The following PTPRS variants were observed in gnomAD, a reference collection of about 807,000 sequenced individuals.
PTPRS encodes the protein protein tyrosine phosphatase receptor type S.
PTPRS carries 63 observed loss-of-function variants against 215.3 expected under a neutral mutation model. That is an observed-to-expected ratio of 0.29 (90% CI 0.24 to 0.36). PTPRS has a LOEUF of 0.36. Ranked by LOEUF, PTPRS falls within the 10% of genes least tolerant of loss-of-function variation. PTPRS has a pLI of 1.00. For missense variants in PTPRS, 2,258 were observed against 2,825.8 expected (o/e 0.80, Z 4.56); for synonymous variants, 1,404 against 1,191.4 (o/e 1.18, Z -3.68).
In PTPRS at chr19:5,214,486, T is replaced by G; in HGVS notation, c.4495-6A>C. 1 of 1,614,048 alleles carries G rather than the reference T, an allele frequency of 6.2e-7. No homozygotes were observed. Among genetic ancestry groups the G allele is most frequent in the Non-Finnish European group, 8.5e-7 (1 of 1,180,004 alleles). On this transcript the variant is annotated splice_polypyrimidine_tract_variant and splice_region_variant and intron_variant, in intron 29 of 37. Transcript: ENST00000262963. ...CAATACTGATCACACTTGATCTGTA[T>G]CGGGCAAGAGAACAGGTGTCAGCAG...
intron 4 of PTPRS, among the ~76,000 whole-genome samples, chr19:5,268,145 G>C (rs1236144189): frequency 1.3e-5 from 2 of 152,004 alleles, no homozygotes; most frequent in Non-Finnish European, 2.9e-5. Context: ...ACTCCAGCCT[G>C]GGCGACAGAG....
intron 1 of PTPRS, among the ~76,000 whole-genome samples, chr19:5,317,960 A>G (rs1488942267): frequency 6.6e-6 from 1 of 152,216 alleles, no homozygotes; most frequent in East Asian, 1.9e-4. Context: ...CCATGAGGTC[A>G]GGAGATCGAG....
chr19:5,274,357 T>C lies in PTPRS; in HGVS notation c.92-13A>G. The stretch of plus-strand genomic sequence containing the variant: ...AACCTGGGGGGCTCTGGGGATACAG[T>C]GGAAAGAAGGGGGGGCGCTGATGGG... On this transcript the variant is annotated splice_polypyrimidine_tract_variant and intron_variant, in intron 2 of 37. Coordinates refer to ENST00000262963, the MANE Select transcript of PTPRS (RefSeq NM_002850.4). The C allele has an allele frequency of 3.0e-6, 4 of 1,317,514 alleles. No individual in the cohort carries two copies. Among genetic ancestry groups the C allele is most frequent in the Non-Finnish European group, 4.2e-6 (4 of 962,000 alleles). 81.6% of individuals were successfully genotyped at this position (1,317,514 alleles called of 1,614,324 possible).
At chr19:5,305,815 C>T in intron 1 of PTPRS, among the ~76,000 whole-genome samples, 1 of 143,454 alleles carries the variant, frequency 7.0e-6, no homozygotes, top group Non-Finnish European at 1.5e-5. Flanking sequence ...TGGCAGGCAC[C>T]TGTGGTCCCA....
Position 5,212,246 on chromosome 19 carries a change from C to G in PTPRS, c.4774G>C (p.Gly1592Arg). 6.2e-7 allele frequency: 1 copy of G among 1,610,318 alleles called. No homozygotes were observed. The change falls in exon 32 of 38, where the codon GGT becomes CGT. Residue 1592 changes from glycine (G) to arginine (R), a missense_variant. Around this residue, in one of 6 missense-constraint regions of PTPRS, gnomAD observed 927 missense variants for 1,125.9 expected, o/e 0.82. Transcript: ENST00000262963. ...AGPIVVHCSA[G>R]VGRTGCFIVI... ...ATAAAGCAGCCTGTGCGGCCCACAC[C>G]GGCACTGCAGGGACAGCCACGTGGC... is the stretch of plus-strand genomic sequence containing the variant.
In PTPRS at chr19:5,258,049, C is replaced by T. The variant is rs770748688; in HGVS notation, c.674G>A (p.Arg225His). The change falls in exon 8 of 38, where the codon CGC becomes CAC. Residue 225 changes from arginine to histidine, a missense_variant. Around this residue, in one of 6 missense-constraint regions of PTPRS, gnomAD observed 508 missense variants for 799.4 expected, o/e 0.64. Transcript: ENST00000262963. ...ECVATNSAGV[R>H]YSSPANLYVR... is the part of the protein sequence containing the mutation. ...GTAGAGGTTGGCAGGTGAGGAGTAGCGCACGCCGGCGCTGTTGGTGGCCAC... is the reference window on the plus strand; with the variant it reads ...GTAGAGGTTGGCAGGTGAGGAGTAGTGCACGCCGGCGCTGTTGGTGGCCAC... 19 of 1,614,132 alleles carry T rather than the reference C, an allele frequency of 1.2e-5. No individual in the cohort carries two copies. Among genetic ancestry groups the T allele is most frequent in the Non-Finnish European group, 1.4e-5 (16 of 1,180,010 alleles).
Position 5,309,912 on chromosome 19 carries a change from T to C in PTPRS, c.-94-23678A>G, listed in dbSNP as rs141164572. On this transcript the variant is annotated intron_variant, in intron 1 of 37. Coordinates refer to ENST00000262963, the MANE Select transcript of PTPRS (RefSeq NM_002850.4). ...CTTTCTGCAACAGCCAGGGGTCGCC[T>C]GTGAACACGTCGGTCAGGGCTGGTT... Among the ~76,000 whole-genome samples the C allele has an allele frequency of 4.6e-5, 7 of 152,286 alleles. No individual in the cohort carries two copies. The East Asian group carries it at 1.4e-3, about 29-fold the overall frequency.
intron 4 of PTPRS, among the ~76,000 whole-genome samples, chr19:5,267,912 A>G (rs182364238): frequency 2.2e-4 from 34 of 152,032 alleles, no homozygotes; most frequent in East Asian, 7.8e-4. Context: ...GGTCACGCCT[A>G]TAATCCCAGC....
At chr19:5,208,811 C>G (rs1282000472) in intron 35 of PTPRS, among the ~76,000 whole-genome samples, 1 of 152,112 alleles carries the variant, frequency 6.6e-6, no homozygotes, top group Non-Finnish European at 1.5e-5. Context: ...TGACATCCAG[C>G]ACCTCCATCC....
chr19:5,265,434 T>G (rs557633183), intron 4 of PTPRS, among the ~76,000 whole-genome samples: 2 of 152,318 alleles, frequency 1.3e-5, no homozygotes, highest in South Asian at 4.1e-4. Flanking sequence ...CTCAACAACC[T>G]GGGCTCAAGT....
At chr19:5,296,967 T>C (rs1379263525) in intron 1 of PTPRS, among the ~76,000 whole-genome samples, 2 of 152,010 alleles carry the variant, frequency 1.3e-5, no homozygotes, top group Admixed American at 6.5e-5. Context: ...GCAGACCCAA[T>C]AGAATTTTCT....
Position 5,211,622 on chromosome 19 carries a change from G to C in PTPRS, c.5202C>G (p.Asp1734Glu). The change falls in exon 33 of 38, where the codon GAC becomes GAG. Residue 1734 changes from aspartate to glutamate, a missense_variant. Physicochemically the swap from Asp to Glu is conservative, Grantham distance 45 (BLOSUM62 2). This residue lies in a region of PTPRS where 927 missense variants were observed against 1,125.9 expected (regional missense o/e 0.82). Transcript: ENST00000262963. ...CATCAATGAAGCTGGCGTTGATGTA[G>C]TCAGAGCCCTCCACACCCCGGATGG... ...LQPIRGVEGS[D>E]YINASFIDGY... The C allele has an allele frequency of 4.3e-6, 7 of 1,613,440 alleles. No homozygotes were observed. The highest frequency in any genetic ancestry group is 5.9e-6 in the Non-Finnish European group (7 of 1,179,472).
At chr19:5,259,966 C>T (rs552920920) in intron 7 of PTPRS, among the ~76,000 whole-genome samples, 1 of 152,236 alleles carries the variant, frequency 6.6e-6, no homozygotes, top group Admixed American at 6.5e-5. Flanking sequence ...GGTCACACAG[C>T]ATTTGTAGCA....
chr19:5,220,329 T>C lies in PTPRS; in HGVS notation c.3480A>G (p.Pro1160=), dbSNP rs1328280082. The C allele has an allele frequency of 6.2e-7, 1 of 1,613,800 alleles. No individual in the cohort carries two copies. Among genetic ancestry groups the C allele is most frequent in the Non-Finnish European group, 8.5e-7 (1 of 1,179,964 alleles). The part of the protein sequence containing the change: ...PVQSYFIVMV[P]LRKSRGGQFL... ...ATTGGCCTCCACGAGACTTGCGCAGTGGCACCATCACAATGAAATAGCTCC... is the reference window on the plus strand; with the variant it reads ...ATTGGCCTCCACGAGACTTGCGCAGCGGCACCATCACAATGAAATAGCTCC... Residue 1160 remains proline, a synonymous_variant, in exon 21 of 38, where the codon CCA becomes CCG. Coordinates refer to ENST00000262963, the MANE Select transcript of PTPRS (RefSeq NM_002850.4).
In PTPRS at chr19:5,231,083, C is replaced by T. The variant is rs374190215; in HGVS notation, c.2155+227G>A. 3.3e-5 allele frequency among the ~76,000 whole-genome samples: 5 copies of T among 152,284 alleles called. No homozygotes were observed. The East Asian group carries it at 5.8e-4, about 18-fold the overall frequency. On this transcript the variant is annotated intron_variant, in intron 14 of 37. Transcript: ENST00000262963. ...GGCAGCCAGCGAAACTGTCCAGGCACGAGGCTCTGGGAGCAGATGCTGCAG... is the reference window on the plus strand; with the variant it reads ...GGCAGCCAGCGAAACTGTCCAGGCATGAGGCTCTGGGAGCAGATGCTGCAG...
At chr19:5,311,409 A>T (rs1424020788) in intron 1 of PTPRS, among the ~76,000 whole-genome samples, 10 of 152,170 alleles carry the variant, frequency 6.6e-5, no homozygotes, top group African/African-American at 2.4e-4. Context: ...TGTGAGGATC[A>T]GGGCCTGGTA....
intron 1 of PTPRS, among the ~76,000 whole-genome samples, chr19:5,331,524 A>G (rs1475251433): frequency 6.6e-6 from 1 of 152,192 alleles, no homozygotes; most frequent in Non-Finnish European, 1.5e-5. Flanking sequence ...AGAGTTGAGC[A>G]GCATCTCTGG....
chr19:5,222,666 T>C (rs1259419535), intron 18 of PTPRS, 23 bp downstream of exon 18: 1 of 1,532,032 alleles, frequency 6.5e-7, no homozygotes, highest in Admixed American at 1.9e-5. Flanking sequence ...CCGGCTCTGG[T>C]GCAGGGGTCG....
chr19:5,247,383 A>G (rs1194257159), intron 9 of PTPRS, among the ~76,000 whole-genome samples: 1 of 151,976 alleles, frequency 6.6e-6, no homozygotes, highest in Non-Finnish European at 1.5e-5. Flanking sequence ...GTTCCAGGAC[A>G]GGGGGAAGGG....
Sources: gnomAD v4.1 joint callset for allele counts (sites outside exome capture counted in the v4.1 genomes callset) on GRCh38, gnomAD v4.1.1 for gene constraint, gnomAD v4.1.1 regional missense constraint, MANE v1.5 for transcripts, NCBI Gene and HGNC (gene_info 2026-07-23, HGNC 2026-07-21) for gene names.